MPPED2: variants seen among roughly 807,000 people sequenced by gnomAD.
The protein encoded by MPPED2 is metallophosphoesterase MPPED2.
A neutral mutation model predicts 33.0 loss-of-function variants in MPPED2; 5 were observed. The observed-to-expected ratio is 0.15, with a 90% CI of 0.08 to 0.32. The LOEUF (loss-of-function observed/expected upper bound fraction) is 0.32, where lower values mean the gene tolerates loss of function less well. MPPED2 is among the 10% of genes least tolerant of loss of function. The pLI, the probability that MPPED2 is intolerant of heterozygous loss-of-function variation, is 1.00. For synonymous variants in MPPED2, 136 were observed against 141.9 expected, an observed-to-expected ratio of 0.96 and a Z score of 0.29; for missense variants, 275 against 372.1, an observed-to-expected ratio of 0.74 and a Z score of 2.15.
chr11:30,554,358 T>C (rs1955866233), intron 2 of MPPED2, among the ~76,000 whole-genome samples: 1 of 152,238 alleles, frequency 6.6e-6, no homozygotes, highest in Non-Finnish European at 1.5e-5. Flanking sequence ...TGTTAAGCTT[T>C]GCTATCCTAC....
At chr11:30,569,029 A>G (rs1226926635) in intron 2 of MPPED2, among the ~76,000 whole-genome samples, 2 of 152,162 alleles carry the variant, frequency 1.3e-5, no homozygotes, top group Non-Finnish European at 2.9e-5. Context: ...ATAGTAACAG[A>G]TAATTAACAA....
At chr11:30,558,722 C>A (rs1397613989) in intron 2 of MPPED2, among the ~76,000 whole-genome samples, 3 of 151,808 alleles carry the variant, frequency 2.0e-5, no homozygotes, top group Non-Finnish European at 2.9e-5. Flanking sequence ...TTGCCCAGCC[C>A]TTCCTTCTTT....
chr11:30,409,633 T>C (rs1948041118), downstream of MPPED2, among the ~76,000 whole-genome samples: 1 of 152,218 alleles, frequency 6.6e-6, no homozygotes, highest in Non-Finnish European at 1.5e-5. Context: ...GGAAGGAACA[T>C]ATATCCAGAA....
At chr11:30,394,830 C>T (rs1214859804) in intron 6 of MPPED2, among the ~76,000 whole-genome samples, 3 of 152,100 alleles carry the variant, frequency 2.0e-5, no homozygotes, top group African/African-American at 7.2e-5. Context: ...CTACCTCATT[C>T]CAAGTTATGA....
chr11:30,410,967 T>C lies in MPPED2; in HGVS notation c.*501A>G, dbSNP rs1948080423. 2.0e-6 allele frequency: 2 copies of C among 985,818 alleles called. No homozygotes were observed. The highest frequency in any genetic ancestry group is 1.7e-5 in the African/African-American group (1 of 57,346). The allele number at this position is 985,818 out of a possible 1,614,324, so 61.1% of individuals were successfully genotyped here. On this transcript the variant is annotated 3_prime_UTR_variant, in exon 7 of 7. Transcript: ENST00000358117. Reference sequence around the variant, plus strand: ...AAAAGAAGTCTTTTCCATGCCTACTTCTGTTGAGAAGATTGCTATAAATTG... The same window carrying C: ...AAAAGAAGTCTTTTCCATGCCTACTCCTGTTGAGAAGATTGCTATAAATTG...
At chr11:30,451,225 G>C (rs1274877231) in intron 4 of MPPED2, among the ~76,000 whole-genome samples, 1 of 152,174 alleles carries the variant, frequency 6.6e-6, no homozygotes, top group African/African-American at 2.4e-5. Context: ...TCAATGTGAA[G>C]CTGTATCTCA....
intron 2 of MPPED2, among the ~76,000 whole-genome samples, chr11:30,553,503 A>C (rs1385535751): frequency 6.6e-6 from 1 of 152,244 alleles, no homozygotes; most frequent in Non-Finnish European, 1.5e-5. Flanking sequence ...AAACAAACAA[A>C]CAACAAACAC....
intron 3 of MPPED2, among the ~76,000 whole-genome samples, chr11:30,530,123 G>A (rs61884747): frequency 0.23 from 34,564 of 152,050 alleles, 4,271 homozygotes; most frequent in East Asian, 0.41. Context: ...TAATTATAAA[G>A]TGGGAAACTC....
chr11:30,579,656 C>T (rs1201688411), intron 2 of MPPED2, among the ~76,000 whole-genome samples: 1 of 152,142 alleles, frequency 6.6e-6, no homozygotes, highest in Non-Finnish European at 1.5e-5. Context: ...CTGGAACCAA[C>T]TGTTCCACTG....
At chr11:30,412,225 T>C (rs1005180154) in intron 6 of MPPED2, among the ~76,000 whole-genome samples, 1 of 149,724 alleles carries the variant, frequency 6.7e-6, no homozygotes, top group Non-Finnish European at 1.5e-5. Context: ...AGGTCACTGT[T>C]TCCTAAGCTT....
chr11:30,580,442 T>C lies in MPPED2; in HGVS notation c.-69A>G, dbSNP rs1472630683. On this transcript the variant is annotated 5_prime_UTR_variant, in exon 2 of 7. Transcript: ENST00000358117. Reference sequence around the variant, plus strand: ...AAAAGATGGAAGCAGGCATGGTGCGTTTCAGCCAACCTCTGAATCCAAGGA... The same window carrying C: ...AAAAGATGGAAGCAGGCATGGTGCGCTTCAGCCAACCTCTGAATCCAAGGA... 3 of 1,583,864 alleles carry C rather than the reference T, an allele frequency of 1.9e-6. No homozygotes were observed. Among genetic ancestry groups the C allele is most frequent in the Admixed American group, 1.7e-5 (1 of 57,452 alleles).
downstream of MPPED2, among the ~76,000 whole-genome samples, chr11:30,406,072 GC>G (rs1947985060): frequency 6.6e-6 from 1 of 152,126 alleles, no homozygotes; most frequent in Non-Finnish European, 1.5e-5. Flanking sequence ...TAGAAACTGA[GC>G]ACCCATCTCT....
chr11:30,544,354 C>A (rs1009300511), intron 2 of MPPED2, among the ~76,000 whole-genome samples: 1 of 152,172 alleles, frequency 6.6e-6, no homozygotes, highest in Non-Finnish European at 1.5e-5. Flanking sequence ...CCATGTAATA[C>A]TGTACTGAGT....
chr11:30,579,927 G>A (rs1957090862), intron 2 of MPPED2, among the ~76,000 whole-genome samples: 1 of 152,072 alleles, frequency 6.6e-6, no homozygotes, highest in African/African-American at 2.4e-5. Flanking sequence ...GGAGTCTCAG[G>A]CAAATTCGCT....
At chr11:30,527,087 A>G (rs867502039) in intron 3 of MPPED2, among the ~76,000 whole-genome samples, 25 of 151,364 alleles carry the variant, frequency 1.7e-4, no homozygotes, top group Admixed American at 8.6e-4. Context: ...CACCACGCCC[A>G]GCTAATTTTT....
intron 2 of MPPED2, among the ~76,000 whole-genome samples, chr11:30,553,491 TCAAA>T (rs1275903809): frequency 8.5e-5 from 13 of 152,200 alleles, no homozygotes; most frequent in Admixed American, 2.6e-4. Context: ...TTCTTATGGT[TCAAA>T]CAAACAAACA....
intron 3 of MPPED2, among the ~76,000 whole-genome samples, chr11:30,512,960 C>T (rs1953309704): frequency 6.6e-6 from 1 of 151,948 alleles, no homozygotes; most frequent in African/African-American, 2.4e-5. Context: ...GATCACGCCA[C>T]TGCACTCTAC....
chr11:30,425,439 C>G (rs375129733), intron 4 of MPPED2: 1 of 152,164 alleles, frequency 6.6e-6, no homozygotes, highest in East Asian at 1.9e-4. Context: ...AGTGTCCGCC[C>G]AGCCCTCTCA....
intron 4 of MPPED2, among the ~76,000 whole-genome samples, chr11:30,423,725 A>G (rs1565053096): frequency 6.6e-6 from 1 of 152,182 alleles, no homozygotes; most frequent in Non-Finnish European, 1.5e-5. Context: ...CTTTTGTAAA[A>G]TTTTTGGCAC....
Sources: allele counts gnomAD v4.1 joint callset (sites outside exome capture counted in the v4.1 genomes callset), GRCh38; gene constraint gnomAD v4.1.1; transcripts MANE v1.5; gene names NCBI Gene and HGNC (gene_info 2026-07-23, HGNC 2026-07-21).